The following SMCHD1 variants were observed in gnomAD, a reference collection of about 807,000 sequenced individuals.
The protein encoded by SMCHD1 is structural maintenance of chromosomes flexible hinge domain-containing protein 1.
Under a neutral mutation model 254.7 loss-of-function variants are expected in SMCHD1, and 78 were observed. The ratio of observed to expected loss-of-function variants is 0.31; its 90% CI spans 0.26 to 0.37. SMCHD1 has a LOEUF of 0.37. SMCHD1 is among the 10% of genes least tolerant of loss of function. SMCHD1 has a pLI of 1.00. For synonymous variants in SMCHD1, 766 were observed against 794.9 expected, an observed-to-expected ratio of 0.96 and a Z score of 0.61; for missense variants, 1,840 against 2,408.1, an observed-to-expected ratio of 0.76 and a Z score of 4.94.
chr18:2,674,875 A>C (rs915190436), intron 5 of SMCHD1, among the ~76,000 whole-genome samples: 2 of 152,210 alleles, frequency 1.3e-5, no homozygotes, highest in African/African-American at 4.8e-5. Flanking sequence ...TTTAAGGATC[A>C]ATCTCAGTGT....
chr18:2,774,903 C>T (rs1007240245), intron 41 of SMCHD1, among the ~76,000 whole-genome samples: 12 of 152,218 alleles, frequency 7.9e-5, no homozygotes, highest in African/African-American at 2.9e-4. Flanking sequence ...TGTTCACGCA[C>T]ATGCGTGAGA....
In SMCHD1 at chr18:2,697,038, T is replaced by G. The variant is rs768091914; in HGVS notation, c.1047T>G (p.Ile349Met). 7.2e-7 allele frequency: 1 copy of G among 1,394,432 alleles called. No homozygotes were observed. Among genetic ancestry groups the G allele is most frequent in the South Asian group, 1.4e-5 (1 of 70,204 alleles). 86.4% of individuals were successfully genotyped at this position (1,394,432 alleles called of 1,614,324 possible). ...FHLWTRQLAH[I>M]YHYYIHGPKG... ...TTATTCTTCTCTATTTTAGGCATAT[T>G]TATCACTACTATATTCATGGCCCAA... Residue 349 changes from isoleucine to methionine, a missense_variant, in exon 9 of 48, where the codon ATT (isoleucine) becomes ATG (methionine). Ile to Met is a conservative substitution (Grantham distance 10). Transcript: ENST00000320876.
intron 45 of SMCHD1, among the ~76,000 whole-genome samples, chr18:2,792,038 GA>G (rs1345199822): frequency 6.6e-6 from 1 of 152,058 alleles, no homozygotes; most frequent in Non-Finnish European, 1.5e-5. Context: ...TACTAACTGC[GA>G]GCTGCTATAT....
chr18:2,680,945 C>A (rs2439767), intron 5 of SMCHD1, among the ~76,000 whole-genome samples: 1 of 152,016 alleles, frequency 6.6e-6, no homozygotes, highest in African/African-American at 2.4e-5. Flanking sequence ...AATATATACA[C>A]TTGTGTATCT....
intron 7 of SMCHD1, among the ~76,000 whole-genome samples, chr18:2,689,966 G>C (rs1256595418): frequency 6.6e-6 from 1 of 150,894 alleles, no homozygotes; most frequent in Non-Finnish European, 1.5e-5. Flanking sequence ...AGTGAGCTAT[G>C]ATCATGCCAC....
chr18:2,668,742 C>T (rs1384418062), intron 3 of SMCHD1, among the ~76,000 whole-genome samples: 2 of 152,124 alleles, frequency 1.3e-5, no homozygotes, highest in Non-Finnish European at 2.9e-5. Flanking sequence ...CAGACGTTTT[C>T]GCCTACCACT....
chr18:2,801,533 C>G (rs778039845), intron 47 of SMCHD1, among the ~76,000 whole-genome samples: 1 of 152,104 alleles, frequency 6.6e-6, no homozygotes, highest in South Asian at 2.1e-4. Context: ...CTCACACTCT[C>G]AAGAGGTCAG....
chr18:2,727,878 A>C (rs2075056465), intron 22 of SMCHD1, among the ~76,000 whole-genome samples: 1 of 152,088 alleles, frequency 6.6e-6, no homozygotes, highest in Admixed American at 6.6e-5. Context: ...ATGTAGCATT[A>C]ATTGAATTTT....
intron 5 of SMCHD1, among the ~76,000 whole-genome samples, chr18:2,679,480 CA>C (rs59034633): frequency 0.075 from 4,413 of 58,672 alleles, 261 homozygotes; most frequent in African/African-American, 0.17. Context: ...ACTCCATCTC[CA>C]AAAAAAAAAA....
At chr18:2,802,490 T>C in intron 47 of SMCHD1, 38 bp from the exon 48 acceptor site, 3 of 1,527,284 alleles carry the variant, frequency 2.0e-6, no homozygotes, top group Non-Finnish European at 1.8e-6. Context: ...AGGAAACCTT[T>C]GGTACATAAA....
chr18:2,674,131 A>G lies in SMCHD1; in HGVS notation c.624A>G (p.Gln208=). 6.3e-7 allele frequency: 1 copy of G among 1,591,900 alleles called. No individual in the cohort carries two copies. Among genetic ancestry groups the G allele is most frequent in the Non-Finnish European group, 8.5e-7 (1 of 1,171,364 alleles). The change falls in exon 5 of 48, where the codon CAA becomes CAG. Residue 208 remains glutamine, a synonymous_variant. Transcript: ENST00000320876. ...ATAGGTTGTCAAAATTCACAAGGCAAGGTGACTTTGAAAGGTTAGAAAACC... is the reference window on the plus strand; with the variant it reads ...ATAGGTTGTCAAAATTCACAAGGCAGGGTGACTTTGAAAGGTTAGAAAACC... The part of the protein sequence containing the change: ...AVYRLSKFTR[Q]GDFESDHSGY...
intron 17 of SMCHD1, among the ~76,000 whole-genome samples, chr18:2,708,211 T>A (rs886423089): frequency 1.8e-4 from 28 of 152,222 alleles, no homozygotes; most frequent in African/African-American, 6.8e-4. Flanking sequence ...TAAGCATATA[T>A]GTATTATTAC....
At chr18:2,724,752 G>T in intron 20 of SMCHD1, 147 bp from the exon 21 acceptor site, 1 of 426,920 alleles carries the variant, frequency 2.3e-6, no homozygotes, top group Non-Finnish European at 4.2e-6. Context: ...GAAATCCATT[G>T]GAATTTTTTT....
At chr18:2,780,815 A>G (rs2076146545) in intron 44 of SMCHD1, among the ~76,000 whole-genome samples, 1 of 152,216 alleles carries the variant, frequency 6.6e-6, no homozygotes, top group African/African-American at 2.4e-5. Flanking sequence ...ATGACCCAGT[A>G]CAAGCTGGTT....
chr18:2,734,302 GCTT>G (rs2075203755), intron 25 of SMCHD1, among the ~76,000 whole-genome samples: 1 of 152,100 alleles, frequency 6.6e-6, no homozygotes, highest in Non-Finnish European at 1.5e-5. Flanking sequence ...TCACAATCAT[GCTT>G]CCATTTCCTC....
In SMCHD1 at chr18:2,771,600, C is replaced by T; in HGVS notation, c.5034C>T (p.Asp1678=). Residue 1678 remains aspartate, a synonymous_variant, in exon 40 of 48, where the codon GAC becomes GAT. Transcript: ENST00000320876. The part of the protein sequence containing the change: ...LRNELKIHNI[D]IPTTQQVPHI... ...ATGAACTAAAAATACATAATATTGA[C>T]ATTCCTACAACACAACAGGTACAGC... is the stretch of plus-strand genomic sequence containing the variant. 6.4e-7 allele frequency: 1 copy of T among 1,567,408 alleles called. No homozygotes were observed.
In SMCHD1 at chr18:2,703,774, C is replaced by T. The variant is rs1350902516; in HGVS notation, c.1730C>T (p.Thr577Ile). The stretch of plus-strand genomic sequence containing the variant: ...AAGTATGATAAACAAATAAAATTTA[C>T]ACTTTTTAAGGGAGTAATTACACGT... ...HEKYDKQIKFTLFKGVITRPD... is the reference protein window; with the variant it reads ...HEKYDKQIKFILFKGVITRPD... The change falls in exon 13 of 48, where the codon ACA becomes ATA. Residue 577 changes from threonine (T) to isoleucine (I), a missense_variant. Thr to Ile is a moderately conservative substitution (Grantham distance 89). Around this residue, in one of 9 missense-constraint regions of SMCHD1, gnomAD observed 498 missense variants for 743.5 expected, o/e 0.67. Coordinates refer to ENST00000320876, the MANE Select transcript of SMCHD1 (RefSeq NM_015295.3). 1 of 1,612,790 alleles carries T rather than the reference C, an allele frequency of 6.2e-7. No homozygotes were observed. Among genetic ancestry groups the T allele is most frequent in the Non-Finnish European group, 8.5e-7 (1 of 1,179,242 alleles).
chr18:2,690,923 G>T, intron 7 of SMCHD1, among the ~76,000 whole-genome samples: 1 of 150,276 alleles, frequency 6.7e-6, no homozygotes. Flanking sequence ...AATGAGAAGG[G>T]GAGAGGGCAG....
chr18:2,776,689 TGAA>T (rs1374800231), intron 42 of SMCHD1, among the ~76,000 whole-genome samples: 1 of 152,170 alleles, frequency 6.6e-6, no homozygotes, highest in Non-Finnish European at 1.5e-5. Context: ...AATGGGGACT[TGAA>T]GGAGAATGGT....
Sources: gnomAD v4.1 joint callset for allele counts (sites outside exome capture counted in the v4.1 genomes callset) on GRCh38, gnomAD v4.1.1 for gene constraint, gnomAD v4.1.1 regional missense constraint, MANE v1.5 for transcripts, NCBI Gene and HGNC (gene_info 2026-07-23, HGNC 2026-07-21) for gene names.